The following OSGEP variants were observed in gnomAD, a reference collection of about 807,000 sequenced individuals.
OSGEP encodes O-sialoglycoprotein endopeptidase, also known as tRNA N6-adenosine threonylcarbamoyltransferase.
OSGEP carries 39 observed loss-of-function variants against 44.1 expected under a neutral mutation model. The observed-to-expected ratio is 0.88, with a 90% CI of 0.69 to 1.16. The LOEUF (loss-of-function observed/expected upper bound fraction) is 1.16. OSGEP is among the 50% of genes most tolerant of loss of function. The probability of loss-of-function intolerance (pLI) is 0.00; values close to 1 mark genes in which losing one functional copy is unlikely to be tolerated. For missense variants in OSGEP, 403 were observed against 443.1 expected, an observed-to-expected ratio of 0.91 and a Z score of 0.81; for synonymous variants, 139 against 161.9, an observed-to-expected ratio of 0.86 and a Z score of 1.07.
chr14:20,448,249 G>A lies in OSGEP; in HGVS notation c.637-78C>T, dbSNP rs149572104. 5.8e-4 allele frequency: 658 copies of A among 1,127,974 alleles called. 3 individuals carry two copies. The African/African-American group carries it at 8.6e-3, about 15-fold the overall frequency. 69.9% of individuals were successfully genotyped at this position (1,127,974 alleles called of 1,614,324 possible). A position where few individuals can be genotyped will look rare whatever the true frequency, so the allele number is the denominator to read the frequency against. ...CACGAGAGCAAAAATTAATGCATTCGGAGGGTCATCATGTTTCACCACAAT... is the reference window on the plus strand; with the variant it reads ...CACGAGAGCAAAAATTAATGCATTCAGAGGGTCATCATGTTTCACCACAAT... On this transcript the variant is annotated intron_variant, in intron 6 of 10. Coordinates refer to ENST00000206542, the MANE Select transcript of OSGEP (RefSeq NM_017807.4).
rs764101502 is a variant in OSGEP at position 20,447,511 on chromosome 14, A to G, written c.879T>C (p.Ile293=). 1 of 1,614,040 alleles carries G rather than the reference A, an allele frequency of 6.2e-7. No individual in the cohort carries two copies. Among genetic ancestry groups the G allele is most frequent in the Admixed American group, 1.7e-5 (1 of 60,022 alleles). The change falls in exon 10 of 11, where the codon ATT becomes ATC. Residue 293 remains isoleucine (I), a synonymous_variant. Transcript: ENST00000206542. ...RLFATDERFC[I]DNGAMIAQAG... Reference sequence around the variant, plus strand: ...CCTGGGCTATCATCGCTCCATTGTCAATACAGAATCTGGGATGCAAGAGAG... The same window carrying G: ...CCTGGGCTATCATCGCTCCATTGTCGATACAGAATCTGGGATGCAAGAGAG...
chr14:20,447,409 G>C lies in OSGEP; in HGVS notation c.968+13C>G, dbSNP rs767571372. ...CCCAATAATCTACCCTCACCAAGAG[G>C]TGAATCACTCACCTCTGTGTAACCC... On this transcript the variant is annotated intron_variant, in intron 10 of 10. Transcript: ENST00000206542. 2.5e-6 allele frequency: 4 copies of C among 1,610,940 alleles called. No homozygotes were observed. In the East Asian group the frequency reaches 8.9e-5, roughly 36 times the overall value.
chr14:20,451,658 T>A (rs1881103833), intron 3 of OSGEP: 1 of 218,496 alleles, frequency 4.6e-6, no homozygotes, highest in East Asian at 1.0e-4. Flanking sequence ...TTCAAAATAA[T>A]GCAAGAGCTT....
chr14:20,453,721 C>A (rs560848513), intron 1 of OSGEP, among the ~76,000 whole-genome samples: 98 of 152,220 alleles, frequency 6.4e-4, no homozygotes, highest in African/African-American at 2.3e-3. Context: ...GTATTATTCC[C>A]ATTTTAAAAA....
chr14:20,452,234 G>A (rs1457022396), intron 2 of OSGEP, 85 bp from the exon 3 acceptor site: 1 of 1,583,754 alleles, frequency 6.3e-7, no homozygotes, highest in African/African-American at 1.3e-5. Context: ...GGTGGGGTAG[G>A]GGTAGTGATG....
rs1370271394 is a variant in OSGEP, at chr14:20,448,982, A to G, written c.539T>C (p.Ile180Thr). 3.1e-6 allele frequency: 5 copies of G among 1,614,122 alleles called. No individual in the cohort carries two copies. The highest frequency in any genetic ancestry group is 3.3e-4 in the Middle Eastern group (2 of 6,062). The change falls in exon 5 of 11, where the codon ATT becomes ACT. Residue 180 changes from isoleucine to threonine, a missense_variant. Transcript: ENST00000206542. ...ISNDPSPGYNIEQMAKRGKKL... is the reference protein window; with the variant it reads ...ISNDPSPGYNTEQMAKRGKKL... ...CCCTTACCGCTTTGCCATCTGTTCAATGTTGTATCCTGGACTTGGGTCGTT... is the reference window on the plus strand; with the variant it reads ...CCCTTACCGCTTTGCCATCTGTTCAGTGTTGTATCCTGGACTTGGGTCGTT...
At chr14:20,452,546 G>A in intron 1 of OSGEP, 98 bp from the exon 2 acceptor site, 1 of 1,173,860 alleles carries the variant, frequency 8.5e-7, no homozygotes, top group Non-Finnish European at 1.2e-6. Flanking sequence ...GATGTAGTAA[G>A]AGTCCTTTCA....
chr14:20,450,371 G>C (rs936812513), intron 3 of OSGEP: 5 of 152,218 alleles, frequency 3.3e-5, no homozygotes, highest in Admixed American at 1.3e-4. Flanking sequence ...TTCTGATACA[G>C]ATCTTAATCT....
At chr14:20,453,435 C>T (rs1052567420) in intron 1 of OSGEP, among the ~76,000 whole-genome samples, 14 of 151,688 alleles carry the variant, frequency 9.2e-5, no homozygotes, top group African/African-American at 3.2e-4. Flanking sequence ...GGCACCATCT[C>T]GGCTCACTGC....
Position 20,448,139 on chromosome 14 carries a change from C to T in OSGEP, c.669G>A (p.Glu223=). The T allele has an allele frequency of 6.2e-7, 1 of 1,613,736 alleles. No individual in the cohort carries two copies. The highest frequency in any genetic ancestry group is 8.5e-7 in the Non-Finnish European group (1 of 1,179,568). The stretch of plus-strand genomic sequence containing the variant: ...AGAAACACAGATCCTCAGGAGTACA[C>T]TCGCCTGTGGCCAGCATCCGATGGG... ...DVAHRMLATG[E]CTPEDLCFSL... is the part of the protein sequence containing the mutation. Residue 223 remains glutamate, a synonymous_variant, in exon 7 of 11, where the codon GAG becomes GAA. Transcript: ENST00000206542.
chr14:20,448,323 G>T, intron 6 of OSGEP, 152 bp from the exon 7 acceptor site: 1 of 727,066 alleles, frequency 1.4e-6, no homozygotes, highest in Non-Finnish European at 2.5e-6. Context: ...TGGCATCATG[G>T]CATAGAATGA....
At chr14:20,453,255 T>C (rs1275612525) in intron 1 of OSGEP, among the ~76,000 whole-genome samples, 3 of 152,200 alleles carry the variant, frequency 2.0e-5, no homozygotes, top group Non-Finnish European at 1.5e-5. Flanking sequence ...AGGGAGGCTT[T>C]TCAGATACAT....
intron 1 of OSGEP, among the ~76,000 whole-genome samples, chr14:20,453,574 G>A (rs1013153835): frequency 1.3e-5 from 2 of 152,004 alleles, no homozygotes; most frequent in Admixed American, 1.3e-4. Context: ...TCTCCATGTT[G>A]GTCAGGCTGG....
At chr14:20,452,866 C>T (rs868018514) in intron 1 of OSGEP, among the ~76,000 whole-genome samples, 18 of 152,052 alleles carry the variant, frequency 1.2e-4, no homozygotes, top group South Asian at 4.2e-4. Flanking sequence ...GACACCACCA[C>T]GCTCAGCTAA....
In OSGEP at chr14:20,452,004, G is replaced by T; in HGVS notation, c.381C>A (p.Thr127=). 3 of 1,611,930 alleles carry T rather than the reference G, an allele frequency of 1.9e-6. No individual in the cohort carries two copies. The highest frequency in any genetic ancestry group is 2.5e-6 in the Non-Finnish European group (3 of 1,179,006). The change falls in exon 3 of 11, where the codon ACC becomes ACA. Residue 127 remains threonine, a synonymous_variant. Coordinates refer to ENST00000206542, the MANE Select transcript of OSGEP (RefSeq NM_017807.4). ...TATTTCCTCCACTCACATACAACAC[G>T]GTTGGGCTGGTGGCTCCAGTGATGA... ...GRLITGATSP[T]VLYVSGGNTQ...
chr14:20,449,174 C>T lies in OSGEP; in HGVS notation c.504G>A (p.Leu168=), dbSNP rs200622360. 2.7e-5 allele frequency: 44 copies of T among 1,608,188 alleles called. No homozygotes were observed. In the East Asian group the frequency reaches 9.1e-4, roughly 33 times the overall value. ...GNCLDRFARV[L]KISNDPSPGY... ...CTCTGCAGCCCCACTGGCTTACCTT[C>T]AGCACTCGAGCAAAACGATCCAGAC... The change falls in exon 4 of 11, where the codon CTG becomes CTA. Residue 168 remains leucine, a synonymous_variant. Transcript: ENST00000206542.
At chr14:20,453,523 C>T (rs960071883) in intron 1 of OSGEP, among the ~76,000 whole-genome samples, 9 of 152,076 alleles carry the variant, frequency 5.9e-5, no homozygotes, top group South Asian at 4.1e-4. Context: ...TGCGCCACCA[C>T]GCCCAGTTAA....
chr14:20,452,996 C>A (rs1341612243), intron 1 of OSGEP, among the ~76,000 whole-genome samples: 1 of 152,190 alleles, frequency 6.6e-6, no homozygotes, highest in Non-Finnish European at 1.5e-5. Context: ...GCCTGAGCCA[C>A]CGTGCCTGGC....
In OSGEP at chr14:20,448,797, A is replaced by G. The variant is rs1443642700; in HGVS notation, c.572T>C (p.Val191Ala). The G allele has an allele frequency of 6.2e-7, 1 of 1,613,064 alleles. No homozygotes were observed. Among genetic ancestry groups the G allele is most frequent in the Non-Finnish European group, 8.5e-7 (1 of 1,179,012 alleles). The change falls in exon 6 of 11, where the codon GTT (valine) becomes GCT (alanine). Residue 191 changes from valine (V) to alanine (A), a missense_variant. Physicochemically the swap from Val to Ala is moderately conservative, Grantham distance 64 (BLOSUM62 0). Coordinates refer to ENST00000206542, the MANE Select transcript of OSGEP (RefSeq NM_017807.4). ...EQMAKRGKKLVELPYTVKGMD... is the reference protein window; with the variant it reads ...EQMAKRGKKLAELPYTVKGMD... ...CCCCTTTACAGTGTATGGCAGCTCA[A>G]CTAGCTTCTTGCCTCTATGTGGGAA...
Sources: gnomAD v4.1 joint callset for allele counts (sites outside exome capture counted in the v4.1 genomes callset) on GRCh38, gnomAD v4.1.1 for gene constraint, MANE v1.5 for transcripts, NCBI Gene and HGNC (gene_info 2026-07-23, HGNC 2026-07-21) for gene names.